Variants in USP25 observed in about 807,000 individuals in gnomAD.
USP25 encodes ubiquitin carboxyl-terminal hydrolase 25.
A neutral mutation model predicts 158.5 loss-of-function variants in USP25; 85 were observed. The ratio of observed to expected loss-of-function variants is 0.54; its 90% CI spans 0.45 to 0.64. The LOEUF is 0.64. Among genes scored for constraint, USP25 ranks in the 30% least tolerant of loss-of-function variants. The pLI is 0.00. For missense variants in USP25, 1,242 were observed against 1,327.3 expected, an observed-to-expected ratio of 0.94 and a Z score of 1.00; for synonymous variants, 464 against 460.4, an observed-to-expected ratio of 1.01 and a Z score of -0.10.
intron 5 of USP25, among the ~76,000 whole-genome samples, chr21:15,797,523 C>T (rs539839142): frequency 1.7e-4 from 25 of 151,234 alleles, no homozygotes; most frequent in African/African-American, 5.6e-4. Context: ...TTATACCTAG[C>T]AGAAGTCTTT....
At chr21:15,856,860 A>AT (rs2039174922) in intron 20 of USP25, among the ~76,000 whole-genome samples, 1 of 151,970 alleles carries the variant, frequency 6.6e-6, no homozygotes, top group African/African-American at 2.4e-5. Flanking sequence ...TTATCTCAGT[A>AT]TTTTTCCTTT....
Position 15,866,246 on chromosome 21 carries a change from T to C in USP25, c.2727-20T>C, listed in dbSNP as rs756535705. On this transcript the variant is annotated intron_variant, in intron 21 of 25. Coordinates refer to ENST00000400183, the MANE Select transcript of USP25 (RefSeq NM_001283041.3). ...ACACACACATACACACACGCTCATA[T>C]GTATGTGTTTTTTTTTAAGGTGTCA... is the stretch of plus-strand genomic sequence containing the variant. The C allele has an allele frequency of 5.1e-6, 8 of 1,571,162 alleles. No homozygotes were observed. In the East Asian group the frequency reaches 1.4e-4, roughly 27 times the overall value.
intron 9 of USP25, among the ~76,000 whole-genome samples, chr21:15,815,225 A>T (rs1248474257): frequency 6.6e-6 from 1 of 152,122 alleles, no homozygotes; most frequent in African/African-American, 2.4e-5. Flanking sequence ...ATTTCAGAAG[A>T]TGTATAGAAA....
intron 1 of USP25, 70 bp downstream of exon 1, chr21:15,730,508 G>T (rs2030697542): frequency 7.8e-7 from 1 of 1,288,846 alleles, no homozygotes; most frequent in Non-Finnish European, 9.9e-7. Context: ...CGCTGCGGCC[G>T]GGCGCCCCGG....
chr21:15,829,274 T>A (rs2146379183), intron 14 of USP25, among the ~76,000 whole-genome samples: 1 of 152,338 alleles, frequency 6.6e-6, no homozygotes, highest in South Asian at 2.1e-4. Flanking sequence ...ATAAGCACAG[T>A]ACCTGATAGG....
intron 18 of USP25, among the ~76,000 whole-genome samples, chr21:15,847,203 G>C (rs890668915): frequency 1.3e-5 from 2 of 152,096 alleles, no homozygotes; most frequent in African/African-American, 4.8e-5. Context: ...TCTTATTTTG[G>C]TTGAGATATC....
intron 23 of USP25, 31 bp downstream of exon 23, chr21:15,870,178 C>T (rs748124447): frequency 3.2e-6 from 5 of 1,538,914 alleles, no homozygotes; most frequent in Non-Finnish European, 4.5e-6. Context: ...ATGAAAAGAG[C>T]ATAATTTTTG....
Position 15,766,503 on chromosome 21 carries a change from A to G in USP25, c.268+362A>G, listed in dbSNP as rs113553734. 1.7e-4 allele frequency among the ~76,000 whole-genome samples: 26 copies of G among 152,084 alleles called. No homozygotes were observed. Among genetic ancestry groups the G allele is most frequent in the African/African-American group, 5.8e-4 (24 of 41,536 alleles). ...GTATTTCTTTTGAGGTTAAAGTATTATTTCTAATTACTGATAGGTTTACCA... is the reference window on the plus strand; with the variant it reads ...GTATTTCTTTTGAGGTTAAAGTATTGTTTCTAATTACTGATAGGTTTACCA... On this transcript the variant is annotated intron_variant, in intron 3 of 25. Transcript: ENST00000400183. The surrounding 1 kb of genome is among the most constrained non-coding windows in gnomAD (Gnocchi z 4.0).
intron 7 of USP25, 56 bp downstream of exon 7, chr21:15,805,314 T>C: frequency 1.4e-6 from 2 of 1,423,260 alleles, no homozygotes; most frequent in Admixed American, 2.7e-5. Context: ...CTGAACAATA[T>C]TAAGCACCTT....
intron 3 of USP25, among the ~76,000 whole-genome samples, chr21:15,770,317 G>T (rs1441645852): frequency 6.6e-6 from 1 of 152,106 alleles, no homozygotes; most frequent in Non-Finnish European, 1.5e-5. Flanking sequence ...GTGAAAATTA[G>T]TTCCAACTGA....
In USP25 at chr21:15,846,158, A is replaced by ATTTT. The variant is rs397973617; in HGVS notation, c.2338-1486_2338-1483dup. ...TATATATATATATATATATATATAT[A>ATTTT]TTTTTTTTTTTTTTTTTTTTTTGAG... is the stretch of plus-strand genomic sequence containing the variant. On this transcript the variant is annotated intron_variant, in intron 18 of 25. Transcript: ENST00000400183. Among the ~76,000 whole-genome samples, 53 of 23,936 alleles carry ATTTT rather than the reference A, an allele frequency of 2.2e-3. 1 individual carries two copies. The highest frequency in any genetic ancestry group is 2.8e-3 in the Non-Finnish European group (40 of 14,036). 15.7% of individuals were successfully genotyped at this position (23,936 alleles called of 152,430 possible).
intron 1 of USP25, among the ~76,000 whole-genome samples, chr21:15,747,465 A>T (rs1210675848): frequency 6.6e-6 from 1 of 151,950 alleles, no homozygotes; most frequent in African/African-American, 2.4e-5. Context: ...TAGGCACTAT[A>T]TAACTATATA....
At chr21:15,859,004 A>G (rs2039289973) in intron 20 of USP25, among the ~76,000 whole-genome samples, 1 of 151,504 alleles carries the variant, frequency 6.6e-6, no homozygotes, top group African/African-American at 2.4e-5. Context: ...TATCTCATAT[A>G]TTTTTTGTAC....
At chr21:15,774,992 T>TG (rs1311181878) in intron 3 of USP25, among the ~76,000 whole-genome samples, 1 of 152,160 alleles carries the variant, frequency 6.6e-6, no homozygotes, top group East Asian at 1.9e-4. Flanking sequence ...AAAGGGGCCC[T>TG]GGGGACCCCA....
At chr21:15,782,450 C>T (rs1181166752) in intron 4 of USP25, among the ~76,000 whole-genome samples, 1 of 152,172 alleles carries the variant, frequency 6.6e-6, no homozygotes, top group African/African-American at 2.4e-5. Context: ...GCATCCACCC[C>T]TGGCCTGATA....
At chr21:15,735,964 C>CTGTGTGTGTGTGTGTGTG (rs530159084) in intron 1 of USP25, among the ~76,000 whole-genome samples, 5 of 145,038 alleles carry the variant, frequency 3.4e-5, no homozygotes, top group African/African-American at 1.1e-4. Context: ...TGTCCTAAAT[C>CTGTGTGTGTGTGTGTGTG]TGTGTGTGTG....
At chr21:15,789,586 T>C (rs146721203) in intron 4 of USP25, among the ~76,000 whole-genome samples, 58 of 152,228 alleles carry the variant, frequency 3.8e-4, no homozygotes, top group African/African-American at 1.4e-3. Context: ...AATCCTCTTT[T>C]TACATATTGT....
chr21:15,838,592 G>A (rs1421657721), intron 17 of USP25, among the ~76,000 whole-genome samples: 9 of 152,066 alleles, frequency 5.9e-5, no homozygotes, highest in African/African-American at 1.9e-4. Context: ...CCACCTAAGC[G>A]TGGCTCTTTG....
chr21:15,825,492 C>T (rs141020310), intron 12 of USP25, among the ~76,000 whole-genome samples: 15 of 152,130 alleles, frequency 9.9e-5, no homozygotes, highest in South Asian at 2.1e-4. Flanking sequence ...TGGTATGTGC[C>T]GGGAGCCTAG....
Sources: allele counts gnomAD v4.1 joint callset (sites outside exome capture counted in the v4.1 genomes callset), GRCh38; gene constraint gnomAD v4.1.1; non-coding constraint Gnocchi (gnomAD v3.1); transcripts MANE v1.5; gene names NCBI Gene and HGNC (gene_info 2026-07-23, HGNC 2026-07-21).